Variants in SVOP observed in about 807,000 individuals in gnomAD.
SVOP encodes synaptic vesicle 2-related protein.
A neutral mutation model predicts 69.1 loss-of-function variants in SVOP; 17 were observed. That is an observed-to-expected ratio of 0.25 (90% CI 0.17 to 0.37). The LOEUF (loss-of-function observed/expected upper bound fraction) is 0.37, where lower values mean the gene tolerates loss of function less well. Ranked by LOEUF, SVOP falls within the 10% of genes least tolerant of loss-of-function variation. SVOP has a pLI of 1.00. For missense variants in SVOP, 435 were observed against 597.5 expected (o/e 0.73, Z 2.84); for synonymous variants, 238 against 238.6 (o/e 1.00, Z 0.02).
rs141632763 is a variant in SVOP at position 109,009,706 on chromosome 12, C to T, written c.35+11128G>A. On this transcript the variant is annotated intron_variant, in intron 1 of 15. Coordinates refer to ENST00000610966, the MANE Select transcript of SVOP (RefSeq NM_018711.5). The stretch of plus-strand genomic sequence containing the variant: ...CTGGGCTTACAGGTGTGAGCCATGG[C>T]GCCTGGCCCTAGAGCAGTGGTTTTC... 2.6e-3 allele frequency among the ~76,000 whole-genome samples: 401 copies of T among 152,248 alleles called. 3 individuals carry two copies. Among genetic ancestry groups the T allele is most frequent in the African/African-American group, 8.9e-3 (368 of 41,552 alleles).
intron 11 of SVOP, among the ~76,000 whole-genome samples, chr12:108,933,571 T>C (rs1429768667): frequency 6.6e-6 from 1 of 151,796 alleles, no homozygotes; most frequent in Admixed American, 6.6e-5. Flanking sequence ...TCCCAGCTAC[T>C]TGGGAGGCTG....
intron 1 of SVOP, among the ~76,000 whole-genome samples, chr12:109,001,067 T>C (rs982350186): frequency 1.3e-5 from 2 of 151,492 alleles, no homozygotes; most frequent in Non-Finnish European, 2.9e-5. Context: ...AAAACCCCAT[T>C]GTCTCAGCCC....
rs1328054748 is a variant in SVOP, at chr12:108,965,530, A to C, written c.454-4483T>G. Among the ~76,000 whole-genome samples, 2 of 152,210 alleles carry C rather than the reference A, an allele frequency of 1.3e-5. 1 individual carries two copies. The highest frequency in any genetic ancestry group is 3.8e-4 in the East Asian group (2 of 5,198). ...CAAAATGTGGGTTCCAGGCCTCCAG[A>C]TTACCTGATTTTCCAAAAAACACAT... is the stretch of plus-strand genomic sequence containing the variant. On this transcript the variant is annotated intron_variant, in intron 5 of 15. Transcript: ENST00000610966.
At chr12:108,934,416 C>T in intron 10 of SVOP, 145 bp from the exon 11 acceptor site, 1 of 626,970 alleles carries the variant, frequency 1.6e-6, no homozygotes, top group South Asian at 2.0e-5. Context: ...TACTGGGGAC[C>T]TTGAGCAAGA....
rs189520342 is a variant in SVOP at position 108,940,148 on chromosome 12, A to G, written c.768+636T>C. On this transcript the variant is annotated intron_variant, in intron 8 of 15. Transcript: ENST00000610966. Reference sequence around the variant, plus strand: ...GAGGAATAAATATGATAATGCATGGAGCACAGAGCCTGCCACACAGTTAAG... The same window carrying G: ...GAGGAATAAATATGATAATGCATGGGGCACAGAGCCTGCCACACAGTTAAG... 2.4e-3 allele frequency among the ~76,000 whole-genome samples: 367 copies of G among 152,330 alleles called. 7 individuals are homozygous for G. The highest frequency in any genetic ancestry group is 8.5e-3 in the African/African-American group (355 of 41,574).
At chr12:108,933,359 A>G (rs1474017965) in intron 11 of SVOP, among the ~76,000 whole-genome samples, 1 of 149,718 alleles carries the variant, frequency 6.7e-6, no homozygotes. Context: ...CCTGGGTGAA[A>G]GAATGAGACC....
chr12:108,934,116 G>A, intron 11 of SVOP, 79 bp downstream of exon 11: 1 of 1,256,362 alleles, frequency 8.0e-7, no homozygotes, highest in Non-Finnish European at 1.1e-6. Flanking sequence ...GCAGAGCCTG[G>A]GGTGGGAGTG....
intron 11 of SVOP, among the ~76,000 whole-genome samples, chr12:108,931,650 G>A (rs981546330): frequency 6.6e-6 from 1 of 152,048 alleles, no homozygotes; most frequent in Non-Finnish European, 1.5e-5. Context: ...TGGCCAACAT[G>A]GTGAAACCCC....
intron 11 of SVOP, among the ~76,000 whole-genome samples, chr12:108,923,171 C>T (rs940217768): frequency 6.6e-6 from 1 of 152,290 alleles, no homozygotes; most frequent in Middle Eastern, 3.4e-3. Context: ...TGTGTAATCC[C>T]CTCCCCTTGA....
At chr12:108,940,331 T>A (rs1410706315) in intron 8 of SVOP, among the ~76,000 whole-genome samples, 1 of 152,154 alleles carries the variant, frequency 6.6e-6, no homozygotes, top group Non-Finnish European at 1.5e-5. Flanking sequence ...AAGATCTCAG[T>A]AGAGGGTGTG....
intron 7 of SVOP, among the ~76,000 whole-genome samples, chr12:108,941,809 C>T (rs1485170021): frequency 6.6e-6 from 1 of 151,946 alleles, no homozygotes; most frequent in Non-Finnish European, 1.5e-5. Flanking sequence ...TTACAGGCGC[C>T]CCCCTCAACC....
At chr12:108,976,772 G>A (rs189835458) in intron 4 of SVOP, among the ~76,000 whole-genome samples, 48 of 151,872 alleles carry the variant, frequency 3.2e-4, no homozygotes, top group African/African-American at 1.1e-3. Context: ...CCCCCACCAC[G>A]CCCAGCTAAT....
chr12:108,972,653 T>C (rs929068088), intron 4 of SVOP, among the ~76,000 whole-genome samples, 177 bp from the exon 5 acceptor site: 1 of 152,168 alleles, frequency 6.6e-6, no homozygotes, highest in African/African-American at 2.4e-5. Flanking sequence ...AACAATCCCA[T>C]GGGGAGGGTG....
At position 109,007,916 on chromosome 12, in the gene SVOP, T is replaced by C. The variant is rs189219000; in HGVS notation, c.35+12918A>G. ...AGCTGACCGTGGTGGTACGCACCTT[T>C]GGTCTCAGCTACTGGGGAGGATGAG... On this transcript the variant is annotated intron_variant, in intron 1 of 15. Transcript: ENST00000610966. Among the ~76,000 whole-genome samples the C allele has an allele frequency of 1.2e-3, 177 of 151,986 alleles. 1 individual carries two copies. The highest frequency in any genetic ancestry group is 4.0e-3 in the African/African-American group (167 of 41,436).
In SVOP at chr12:108,979,090, T is replaced by TATATATGC. The variant is rs200882755; in HGVS notation, c.197-428_197-427insGCATATAT. On this transcript the variant is annotated intron_variant, in intron 2 of 15. Transcript: ENST00000610966. ...TCTTGGAAATGTACGCATGTGGGTG[T>TATATATGC]ACATGTATCTATCCGTAGAATATAT... is the stretch of plus-strand genomic sequence containing the variant. 1.1e-4 allele frequency among the ~76,000 whole-genome samples: 17 copies of TATATATGC among 151,732 alleles called. No homozygotes were observed. In the East Asian group the frequency reaches 3.3e-3, roughly 29 times the overall value.
rs1333000169 is a variant in SVOP at position 108,946,673 on chromosome 12, A to T, written c.579-1507T>A. ...GACTGGAGGATTCCAATTTTATTCCATGAGTTGCAACCTGTTTTTATTATT... is the reference window on the plus strand; with the variant it reads ...GACTGGAGGATTCCAATTTTATTCCTTGAGTTGCAACCTGTTTTTATTATT... On this transcript the variant is annotated intron_variant, in intron 6 of 15. Transcript: ENST00000610966. Among the ~76,000 whole-genome samples, 3 of 148,952 alleles carry T rather than the reference A, an allele frequency of 2.0e-5. No homozygotes were observed. In the Admixed American group the frequency reaches 2.0e-4, roughly 10 times the overall value.
Position 108,951,797 on chromosome 12 carries a change from A to C in SVOP, c.579-6631T>G, listed in dbSNP as rs565922515. Among the ~76,000 whole-genome samples, 3 of 152,338 alleles carry C rather than the reference A, an allele frequency of 2.0e-5. No individual in the cohort carries two copies. In the South Asian group the frequency reaches 6.2e-4, roughly 32 times the overall value. ...CACACCTGGATTTGAACCCAGTTGC[A>C]ACTGGTTTGCCAAAGTTGCTCCAAT... On this transcript the variant is annotated intron_variant, in intron 6 of 15. Transcript: ENST00000610966.
chr12:108,912,592 G>T lies in SVOP; in HGVS notation c.1590C>A (p.Val530=), dbSNP rs767653442. 6.2e-7 allele frequency: 1 copy of T among 1,613,832 alleles called. No homozygotes were observed. Among genetic ancestry groups the T allele is most frequent in the Non-Finnish European group, 8.5e-7 (1 of 1,179,824 alleles). ...CACCTGCACCGTGCATTCCTCGGCCGACCATCTCCTGGCCCCACTCCCGGT... is the reference window on the plus strand; with the variant it reads ...CACCTGCACCGTGCATTCCTCGGCCTACCATCTCCTGGCCCCACTCCCGGT... ...SSHREWGQEM[V]GRGMHGAGVT... Residue 530 remains valine, a synonymous_variant, in exon 16 of 16, where the codon GTC becomes GTA. Coordinates refer to ENST00000610966, the MANE Select transcript of SVOP (RefSeq NM_018711.5).
intron 6 of SVOP, among the ~76,000 whole-genome samples, chr12:108,945,995 C>A (rs2039920182): frequency 6.6e-6 from 1 of 152,164 alleles, no homozygotes; most frequent in Non-Finnish European, 1.5e-5. Flanking sequence ...CAGATTATGC[C>A]AATATCCTGT....
Sources: gnomAD v4.1 joint callset for allele counts (sites outside exome capture counted in the v4.1 genomes callset) on GRCh38, gnomAD v4.1.1 for gene constraint, MANE v1.5 for transcripts, NCBI Gene and HGNC (gene_info 2026-07-23, HGNC 2026-07-21) for gene names.